The following WDFY4 variants were observed in gnomAD, a reference collection of about 807,000 sequenced individuals.
WDFY4 encodes WDFY family member 4.
WDFY4 carries 169 observed loss-of-function variants against 351.9 expected under a neutral mutation model. That is an observed-to-expected ratio of 0.48 (90% confidence interval 0.42 to 0.55). The LOEUF (loss-of-function observed/expected upper bound fraction) is 0.55, where lower values mean the gene tolerates loss of function less well. WDFY4 is among the 20% of genes least tolerant of loss of function. The pLI is 0.00. For missense variants in WDFY4, 3,803 were observed against 3,935.6 expected (o/e 0.97, Z 0.90); for synonymous variants, 1,622 against 1,574.6 (o/e 1.03, Z -0.71).
chr10:48,722,249 T>C (rs2064114913), intron 4 of WDFY4, among the ~76,000 whole-genome samples: 1 of 152,274 alleles, frequency 6.6e-6, no homozygotes, highest in African/African-American at 2.4e-5. Context: ...CCTGCATCAC[T>C]GTCAGGCACA....
At chr10:48,814,168 A>G (rs2067544499) in intron 31 of WDFY4, 86 bp downstream of exon 31, 5 of 1,422,200 alleles carry the variant, frequency 3.5e-6, no homozygotes, top group Non-Finnish European at 4.6e-6. Flanking sequence ...TTCTCTTAGC[A>G]TCTTCCCACT....
intron 48 of WDFY4, among the ~76,000 whole-genome samples, chr10:48,942,379 C>CGT (rs3081534): frequency 0.91 from 136,806 of 151,106 alleles, 62,479 homozygotes; most frequent in East Asian, 1. Context: ...TGCGTGTGTG[C>CGT]GTGTGTGTGT....
At chr10:48,919,044 T>C (rs1176877023) in intron 47 of WDFY4, among the ~76,000 whole-genome samples, 3 of 152,192 alleles carry the variant, frequency 2.0e-5, no homozygotes, top group Non-Finnish European at 4.4e-5. Flanking sequence ...ACATATGGAA[T>C]ATCCACTAAC....
chr10:48,720,214 T>C (rs2064035661), intron 3 of WDFY4, 89 bp downstream of exon 3: 1 of 1,326,110 alleles, frequency 7.5e-7, no homozygotes, highest in Non-Finnish European at 1.0e-6. Context: ...CCCTCTGCTT[T>C]CGCGTGGAGC....
At chr10:48,923,906 T>G in intron 47 of WDFY4, among the ~76,000 whole-genome samples, 2 of 152,148 alleles carry the variant, frequency 1.3e-5, no homozygotes, top group African/African-American at 4.8e-5. Context: ...TTCCAGCAAA[T>G]GGGACATCCA....
chr10:48,870,734 A>G (rs2069737505), intron 40 of WDFY4, among the ~76,000 whole-genome samples: 1 of 152,128 alleles, frequency 6.6e-6, no homozygotes, highest in African/African-American at 2.4e-5. Context: ...GTGGAAACTC[A>G]GGACTTTTGC....
chr10:48,895,992 A>G (rs2133387418), intron 44 of WDFY4, among the ~76,000 whole-genome samples: 1 of 152,304 alleles, frequency 6.6e-6, no homozygotes, highest in East Asian at 1.9e-4. Flanking sequence ...TCACTGCTCC[A>G]GGCCTGGCCT....
chr10:48,803,185 C>T lies in WDFY4; in HGVS notation c.4411-101C>T, dbSNP rs79764115. ...CTGGTACATCATGTTGATGATTCCA[C>T]GTCAGAGGATCACCTGTCCAGCACT... On this transcript the variant is annotated intron_variant, in intron 24 of 61. Transcript: ENST00000325239. 396 of 1,131,660 alleles carry T rather than the reference C, an allele frequency of 3.5e-4. 4 individuals are homozygous for T. The East Asian group carries it at 6.9e-3, about 20-fold the overall frequency. The allele number at this position is 1,131,660 out of a possible 1,614,324, so 70.1% of individuals were successfully genotyped here.
intron 1 of WDFY4, among the ~76,000 whole-genome samples, chr10:48,692,423 C>T (rs1204511762): frequency 6.6e-6 from 1 of 152,230 alleles, no homozygotes; most frequent in Non-Finnish European, 1.5e-5. Flanking sequence ...GCCTTTGTTC[C>T]ACAAAACACT....
At chr10:48,715,187 G>A (rs896292017) in intron 2 of WDFY4, among the ~76,000 whole-genome samples, 5 of 152,262 alleles carry the variant, frequency 3.3e-5, no homozygotes, top group African/African-American at 1.2e-4. Context: ...AATCTTGGAA[G>A]TGGATCTCTT....
intron 39 of WDFY4, among the ~76,000 whole-genome samples, chr10:48,851,078 G>C (rs1236887039): frequency 6.6e-6 from 1 of 152,144 alleles, no homozygotes; most frequent in Non-Finnish European, 1.5e-5. Context: ...TGATACCAGG[G>C]CTGCTGTGAA....
chr10:48,725,044 G>A (rs968872991), intron 5 of WDFY4, among the ~76,000 whole-genome samples: 4 of 152,164 alleles, frequency 2.6e-5, no homozygotes, highest in African/African-American at 9.7e-5. Flanking sequence ...GGCCGGGTGG[G>A]GTGGAGGAAG....
Position 48,757,406 on chromosome 10 carries a change from C to T in WDFY4, c.2460-2941C>T, listed in dbSNP as rs557869876. 3.3e-5 allele frequency among the ~76,000 whole-genome samples: 5 copies of T among 152,130 alleles called. No homozygotes were observed. In the East Asian group the frequency reaches 5.8e-4, roughly 18 times the overall value. ...TGAGTCATTTTCCTTGCTCTAAAGT[C>T]TGTTTTCCCTGATATGAGTAGAATT... On this transcript the variant is annotated intron_variant, in intron 12 of 61. Coordinates refer to ENST00000325239, the MANE Select transcript of WDFY4 (RefSeq NM_001394531.1).
chr10:48,962,198 A>G (rs758786349), intron 53 of WDFY4, among the ~76,000 whole-genome samples: 31 of 152,214 alleles, frequency 2.0e-4, no homozygotes, highest in South Asian at 8.3e-4. Flanking sequence ...CCAGAAGTTC[A>G]TGAGGTATAC....
chr10:48,721,956 T>C (rs2064103596), intron 4 of WDFY4, among the ~76,000 whole-genome samples: 1 of 152,206 alleles, frequency 6.6e-6, no homozygotes, highest in Non-Finnish European at 1.5e-5. Context: ...CTCTCCTCTT[T>C]CTTCCCTTCC....
At position 48,684,897 on chromosome 10, in the gene WDFY4, A is replaced by T. The variant is rs576417697; in HGVS notation, c.-122A>T. On this transcript the variant is annotated 5_prime_UTR_variant, in exon 1 of 62. Transcript: ENST00000325239. ...CAGAGTGAAACGGCGCTGAGGACTG[A>T]CGATGTGGGGCCGGGTCCTCTTCCC... The T allele has an allele frequency of 2.7e-4, 41 of 152,514 alleles. No homozygotes were observed. The highest frequency in any genetic ancestry group is 7.9e-4 in the African/African-American group (33 of 41,602). The allele number at this position is 152,514 out of a possible 1,614,324, so 9.4% of individuals were successfully genotyped here.
intron 1 of WDFY4, 114 bp from the exon 2 acceptor site, chr10:48,709,602 G>T: frequency 1.1e-6 from 1 of 886,818 alleles, no homozygotes. Flanking sequence ...CAGATTCTTA[G>T]GGGAACCATT....
rs1164451273 is a variant in WDFY4, at chr10:48,810,723, G to A, written c.5032G>A (p.Asp1678Asn). 6.5e-7 allele frequency: 1 copy of A among 1,538,930 alleles called. No homozygotes were observed. The highest frequency in any genetic ancestry group is 1.2e-5 in the South Asian group (1 of 82,494). ...GGTGGAACGCAGCACTGAGGGCGTG[G>A]ATATTGTAATGGGTGAGCACGTGGC... ...SWVERSTEGVDIVMDNLKSQS... is the reference protein window; with the variant it reads ...SWVERSTEGVNIVMDNLKSQS... The change falls in exon 29 of 62, where the codon GAT becomes AAT. Residue 1678 changes from aspartate to asparagine, a missense_variant. Asp to Asn is a conservative substitution (Grantham distance 23). Around this residue, in one of 3 missense-constraint regions of WDFY4, gnomAD observed 3,054 missense variants for 3,148.6 expected, o/e 0.97. Coordinates refer to ENST00000325239, the MANE Select transcript of WDFY4 (RefSeq NM_001394531.1).
At chr10:48,791,072 C>T (rs187140531) in intron 23 of WDFY4, among the ~76,000 whole-genome samples, 155 bp downstream of exon 23, 2 of 152,352 alleles carry the variant, frequency 1.3e-5, no homozygotes, top group East Asian at 1.9e-4. Flanking sequence ...CCAGCAACTT[C>T]GCAGCAGAGG....
Sources: allele counts gnomAD v4.1 joint callset (sites outside exome capture counted in the v4.1 genomes callset), GRCh38; gene constraint gnomAD v4.1.1; regional missense constraint gnomAD v4.1.1; transcripts MANE v1.5; gene names NCBI Gene and HGNC (gene_info 2026-07-23, HGNC 2026-07-21).